VPS8: variants seen among roughly 807,000 people sequenced by gnomAD.
The protein encoded by VPS8 is VPS8 subunit of CORVET complex.
VPS8 carries 129 observed loss-of-function variants against 216.4 expected under a neutral mutation model. The ratio of observed to expected loss-of-function variants is 0.60; its 90% CI spans 0.52 to 0.69. The LOEUF (loss-of-function observed/expected upper bound fraction) is 0.69. Among genes scored for constraint, VPS8 ranks in the 30% least tolerant of loss-of-function variants. VPS8 has a pLI of 0.00. For synonymous variants in VPS8, 571 were observed against 565.4 expected (o/e 1.01, Z -0.14); for missense variants, 1,531 against 1,683.5 (o/e 0.91, Z 1.59).
intron 8 of VPS8, among the ~76,000 whole-genome samples, chr3:184,845,743 G>A (rs1482956152): frequency 2.7e-5 from 3 of 110,200 alleles, no homozygotes; most frequent in Admixed American, 1.2e-4. Flanking sequence ...CAACAAGAGC[G>A]AAACTCCGTC....
chr3:185,027,121 A>T (rs982529482), intron 46 of VPS8, among the ~76,000 whole-genome samples: 3 of 151,944 alleles, frequency 2.0e-5, no homozygotes, highest in Non-Finnish European at 2.9e-5. Context: ...GGGTAAACTG[A>T]TAGTTACCGA....
chr3:184,894,118 T>TC (rs960837321), intron 22 of VPS8, among the ~76,000 whole-genome samples: 7 of 152,196 alleles, frequency 4.6e-5, no homozygotes, highest in Non-Finnish European at 8.8e-5. Flanking sequence ...AAACATTTTT[T>TC]TTCTTCTTCT....
Position 184,857,259 on chromosome 3 carries a change from C to T in VPS8, c.1143+1441C>T, listed in dbSNP as rs1006340687. 1.8e-4 allele frequency among the ~76,000 whole-genome samples: 27 copies of T among 152,338 alleles called. No individual in the cohort carries two copies. In the East Asian group the frequency reaches 1.9e-3, roughly 11 times the overall value. ...AGGGGTTGGCACACTATGGCCCATG[C>T]GCCAAATCTGGCCAGCCGTCTGTTT... On this transcript the variant is annotated intron_variant, in intron 14 of 47. Transcript: ENST00000625842.
chr3:184,931,603 C>T (rs899341729), intron 34 of VPS8, among the ~76,000 whole-genome samples: 1 of 152,144 alleles, frequency 6.6e-6, no homozygotes, highest in Non-Finnish European at 1.5e-5. Context: ...AAATAACTGG[C>T]ACGAAAGGTA....
At position 184,915,357 on chromosome 3, in the gene VPS8, T is replaced by C; in HGVS notation, c.2265T>C (p.Val755=). The part of the protein sequence containing the change: ...EDLVPLVKNQ[V]FEFLIRLHSA... ...AACATTTTTTTCCCAACTTGCAGGTTTTTGAATTTCTAATTCGCCTGCATT... is the reference window on the plus strand; with the variant it reads ...AACATTTTTTTCCCAACTTGCAGGTCTTTGAATTTCTAATTCGCCTGCATT... Residue 755 remains valine (V), a splice_region_variant and synonymous_variant, in exon 28 of 48, where the codon GTT becomes GTC. Coordinates refer to ENST00000625842, the MANE Select transcript of VPS8 (RefSeq NM_001009921.3). The C allele has an allele frequency of 6.2e-7, 1 of 1,611,358 alleles. No individual in the cohort carries two copies. The highest frequency in any genetic ancestry group is 8.5e-7 in the Non-Finnish European group (1 of 1,178,812).
At chr3:184,826,320 C>A in intron 3 of VPS8, 89 bp downstream of exon 3, 1 of 952,182 alleles carries the variant, frequency 1.1e-6, no homozygotes, top group African/African-American at 1.7e-5. Context: ...CACCTAGATG[C>A]GCACTTTCCA....
intron 36 of VPS8, among the ~76,000 whole-genome samples, chr3:184,946,674 T>G (rs1365961805): frequency 2.0e-5 from 3 of 152,066 alleles, no homozygotes; most frequent in Non-Finnish European, 2.9e-5. Context: ...ATATCTCTTC[T>G]CTCCTTTATT....
chr3:184,976,179 A>G (rs1046320711), intron 40 of VPS8, among the ~76,000 whole-genome samples: 5 of 151,752 alleles, frequency 3.3e-5, no homozygotes, highest in African/African-American at 9.7e-5. Flanking sequence ...CTTGCTTCCT[A>G]CTCTCCTCTT....
At chr3:185,015,245 C>T (rs1755624843) in intron 45 of VPS8, among the ~76,000 whole-genome samples, 1 of 152,144 alleles carries the variant, frequency 6.6e-6, no homozygotes, top group Non-Finnish European at 1.5e-5. Flanking sequence ...CATTTGATTC[C>T]CTGCAGTTAA....
intron 34 of VPS8, among the ~76,000 whole-genome samples, chr3:184,933,530 T>TGC (rs1438605412): frequency 2.0e-5 from 3 of 150,828 alleles, no homozygotes; most frequent in African/African-American, 7.3e-5. Context: ...TCGATCTTTG[T>TGC]GTGTGTGTGT....
At chr3:184,940,339 A>G (rs1742452385) in intron 36 of VPS8, 96 bp downstream of exon 36, 1 of 409,520 alleles carries the variant, frequency 2.4e-6, no homozygotes, top group Non-Finnish European at 3.9e-6. Context: ...TATCTAAATA[A>G]TACAATTAGC....
At chr3:185,049,843 A>G (rs1003618987) in intron 47 of VPS8, among the ~76,000 whole-genome samples, 96 of 152,114 alleles carry the variant, frequency 6.3e-4, no homozygotes, top group African/African-American at 2.2e-3. Context: ...GCCGGAGGAA[A>G]GAGTGGTGCT....
At chr3:185,006,237 A>T (rs1260308621) in intron 45 of VPS8, among the ~76,000 whole-genome samples, 1 of 152,236 alleles carries the variant, frequency 6.6e-6, no homozygotes, top group Non-Finnish European at 1.5e-5. Flanking sequence ...GGGTTAGGTA[A>T]TATAAGAAGG....
At chr3:184,879,839 G>A (rs2108831266) in intron 21 of VPS8, among the ~76,000 whole-genome samples, 1 of 152,282 alleles carries the variant, frequency 6.6e-6, no homozygotes, top group East Asian at 1.9e-4. Context: ...ATTGCCATCA[G>A]GGATTATCCA....
intron 1 of VPS8, chr3:184,817,176 C>T (rs1487535008): frequency 6.8e-6 from 1 of 147,668 alleles, no homozygotes; most frequent in Admixed American, 6.8e-5. Context: ...TGTAACTAAC[C>T]ATACTTTGTA....
chr3:184,991,183 C>T (rs1483907605), intron 42 of VPS8, among the ~76,000 whole-genome samples: 2 of 152,028 alleles, frequency 1.3e-5, no homozygotes, highest in Non-Finnish European at 2.9e-5. Flanking sequence ...ACAATAGGTA[C>T]CAGAAAGCAA....
Position 184,928,952 on chromosome 3 carries a change from A to C in VPS8, c.2714+419A>C, listed in dbSNP as rs1740187531. Reference sequence around the variant, plus strand: ...TGTATTTATATGACATGTAATTCTGAACAGAGGAACTTTATGTAAAATTTT... The same window carrying C: ...TGTATTTATATGACATGTAATTCTGCACAGAGGAACTTTATGTAAAATTTT... On this transcript the variant is annotated intron_variant, in intron 32 of 47. Coordinates refer to ENST00000625842, the MANE Select transcript of VPS8 (RefSeq NM_001009921.3). Among the ~76,000 whole-genome samples the C allele has an allele frequency of 2.6e-5, 4 of 152,310 alleles. No homozygotes were observed. The South Asian group carries it at 6.2e-4, about 24-fold the overall frequency.
At chr3:184,936,921 G>T (rs531745439) in intron 35 of VPS8, among the ~76,000 whole-genome samples, 1 of 152,034 alleles carries the variant, frequency 6.6e-6, no homozygotes, top group East Asian at 1.9e-4. Context: ...TGTGTTTTTA[G>T]TAGAGACAGG....
intron 3 of VPS8, among the ~76,000 whole-genome samples, chr3:184,829,338 C>T (rs1022470099): frequency 5.9e-5 from 9 of 152,212 alleles, no homozygotes; most frequent in South Asian, 4.1e-4. Flanking sequence ...CTCAGCCTCC[C>T]GAGTAGGTGG....
Sources: allele counts gnomAD v4.1 joint callset (sites outside exome capture counted in the v4.1 genomes callset), GRCh38; gene constraint gnomAD v4.1.1; transcripts MANE v1.5; gene names NCBI Gene and HGNC (gene_info 2026-07-23, HGNC 2026-07-21).